The following NRG1 variants were observed in gnomAD, a reference collection of about 807,000 sequenced individuals.
NRG1 encodes neuregulin 1, also known as pro-neuregulin-1, membrane-bound isoform.
Under a neutral mutation model 63.8 loss-of-function variants are expected in NRG1, and 18 were observed. The observed-to-expected ratio is 0.28, with a 90% CI of 0.19 to 0.42. The LOEUF is 0.42. Among genes scored for constraint, NRG1 ranks in the 10% least tolerant of loss-of-function variants. The probability of loss-of-function intolerance (pLI) is 1.00; values close to 1 mark genes in which losing one functional copy is unlikely to be tolerated. For missense variants in NRG1, 762 were observed against 814.7 expected, an observed-to-expected ratio of 0.94 and a Z score of 0.79; for synonymous variants, 302 against 301.3, an observed-to-expected ratio of 1.00 and a Z score of -0.02.
chr8:32,086,113 A>G (rs1189984860), intron 1 of NRG1, among the ~76,000 whole-genome samples: 1 of 152,220 alleles, frequency 6.6e-6, no homozygotes, highest in Non-Finnish European at 1.5e-5. Flanking sequence ...ACATTAGCTT[A>G]ATGCTGAGTA....
chr8:32,037,716 A>G (rs1819298073), intron 1 of NRG1, among the ~76,000 whole-genome samples: 1 of 152,190 alleles, frequency 6.6e-6, no homozygotes, highest in East Asian at 1.9e-4. Context: ...AACTGTCCAC[A>G]GCTGCTGTGC....
intron 1 of NRG1, among the ~76,000 whole-genome samples, chr8:31,891,516 C>G (rs1831143965): frequency 6.6e-6 from 1 of 152,098 alleles, no homozygotes; most frequent in African/African-American, 2.4e-5. Flanking sequence ...TGCGGAGAAA[C>G]TGGATTACTC....
At chr8:32,548,524 TTCCAGG>T in exon 1 of NRG1, 1 of 1,243,680 alleles carries the variant, frequency 8.0e-7, no homozygotes, top group Non-Finnish European at 1.0e-6. Flanking sequence ...CGAGCGCCCG[TTCCAGG>T]TGGCCGGACC....
intron 1 of NRG1, among the ~76,000 whole-genome samples, chr8:32,302,536 C>A (rs2129475262): frequency 6.7e-6 from 1 of 149,410 alleles, no homozygotes; most frequent in South Asian, 2.2e-4. Context: ...TAACCATATG[C>A]CAATTTTTTT....
chr8:31,953,115 T>C (rs1038200150), intron 1 of NRG1, among the ~76,000 whole-genome samples: 4 of 152,162 alleles, frequency 2.6e-5, no homozygotes, highest in African/African-American at 7.2e-5. Context: ...AGGGTTTTTT[T>C]TTTCTGAGAT....
At position 32,241,376 on chromosome 8, in the gene NRG1, G is replaced by C. The variant is rs139239871; in HGVS notation, c.38-354452G>C. Among the ~76,000 whole-genome samples the C allele has an allele frequency of 2.2e-4, 33 of 152,264 alleles. No homozygotes were observed. The East Asian group carries it at 6.0e-3, about 28-fold the overall frequency. On this transcript the variant is annotated intron_variant, in intron 1 of 10. Coordinates refer to the NRG1 transcript ENST00000519301. The stretch of plus-strand genomic sequence containing the variant: ...ATTTGTATAGTTTCCTTCCCCCTCA[G>C]TATGTTGGCTGGTAAGAATGTTCTT...
At chr8:32,425,678 A>G (rs1382455550) in intron 1 of NRG1, among the ~76,000 whole-genome samples, 2 of 152,212 alleles carry the variant, frequency 1.3e-5, no homozygotes, top group Non-Finnish European at 2.9e-5. Context: ...AACCCTTTGC[A>G]GGAAAAAACT....
intron 1 of NRG1, among the ~76,000 whole-genome samples, chr8:32,067,170 T>C (rs1471779075): frequency 6.6e-6 from 1 of 152,224 alleles, no homozygotes; most frequent in Non-Finnish European, 1.5e-5. Flanking sequence ...CCTAATTGAA[T>C]ACCCTTTATT....
intron 1 of NRG1, among the ~76,000 whole-genome samples, chr8:32,551,715 G>A (rs1212795483): frequency 6.6e-6 from 1 of 152,084 alleles, no homozygotes; most frequent in Admixed American, 6.5e-5. Context: ...CCAAGCCCTT[G>A]GAGTCATTGA....
chr8:31,825,817 A>C (rs367558517), intron 1 of NRG1, among the ~76,000 whole-genome samples: 1 of 152,220 alleles, frequency 6.6e-6, no homozygotes, highest in Non-Finnish European at 1.5e-5. Context: ...ACTCTTAGGC[A>C]TTCAACAAAT....
chr8:31,979,013 T>C (rs1808647145), intron 1 of NRG1, among the ~76,000 whole-genome samples: 1 of 152,180 alleles, frequency 6.6e-6, no homozygotes, highest in Non-Finnish European at 1.5e-5. Context: ...ATAACCTATG[T>C]GATAAAGTCA....
intron 1 of NRG1, among the ~76,000 whole-genome samples, chr8:32,116,960 C>A (rs964229749): frequency 7.1e-6 from 1 of 141,426 alleles, no homozygotes; most frequent in Non-Finnish European, 1.5e-5. Context: ...AATATAGAGA[C>A]CCTGTCTCTA....
intron 1 of NRG1, among the ~76,000 whole-genome samples, chr8:32,048,488 G>A (rs2130782864): frequency 7.3e-6 from 1 of 137,312 alleles, no homozygotes; most frequent in South Asian, 2.2e-4. Flanking sequence ...TATATATAGT[G>A]GTGGGATTGC....
intron 5 of NRG1, among the ~76,000 whole-genome samples, chr8:32,619,520 CCA>C (rs1315257157): frequency 6.6e-6 from 1 of 152,018 alleles, no homozygotes; most frequent in Non-Finnish European, 1.5e-5. Flanking sequence ...ATCCAGGATC[CCA>C]GTTAGGTGGC....
At chr8:31,966,096 T>C (rs1806276043) in intron 1 of NRG1, among the ~76,000 whole-genome samples, 1 of 151,686 alleles carries the variant, frequency 6.6e-6, no homozygotes. Context: ...GCACATGTAC[T>C]CCCTGAAACT....
chr8:32,355,402 C>A (rs1433447827), intron 1 of NRG1, among the ~76,000 whole-genome samples: 1 of 151,760 alleles, frequency 6.6e-6, no homozygotes, highest in Non-Finnish European at 1.5e-5. Context: ...GAGGTTGCAC[C>A]GATCTGAGAT....
At chr8:31,835,980 A>G (rs1018133738) in intron 1 of NRG1, among the ~76,000 whole-genome samples, 4 of 152,186 alleles carry the variant, frequency 2.6e-5, no homozygotes, top group African/African-American at 4.8e-5. Flanking sequence ...TAACCCATCT[A>G]AATTTAAATG....
intron 5 of NRG1, among the ~76,000 whole-genome samples, chr8:32,679,945 A>C (rs1180146974): frequency 4.6e-5 from 7 of 152,334 alleles, no homozygotes; most frequent in African/African-American, 1.7e-4. Context: ...TAAAAGATGA[A>C]AAAGTGATAA....
intron 1 of NRG1, among the ~76,000 whole-genome samples, chr8:32,436,583 A>G (rs1818818971): frequency 6.6e-6 from 1 of 152,194 alleles, no homozygotes; most frequent in South Asian, 2.1e-4. Flanking sequence ...TAAATTAAGC[A>G]TGAGTCCCAT....
Sources: allele counts gnomAD v4.1 joint callset (sites outside exome capture counted in the v4.1 genomes callset), GRCh38; gene constraint gnomAD v4.1.1; transcripts MANE v1.5; gene names NCBI Gene and HGNC (gene_info 2026-07-23, HGNC 2026-07-21).